The following NHS variants were observed in gnomAD, a reference collection of about 807,000 sequenced individuals.
NHS encodes the protein NHS actin remodeling regulator, also known as actin remodeling regulator NHS.
In NHS, 5 loss-of-function variants were observed where a neutral mutation model predicts 72.5. That is an observed-to-expected ratio of 0.07 (90% CI 0.04 to 0.14). The LOEUF (loss-of-function observed/expected upper bound fraction) is 0.14. Among genes scored for constraint, NHS ranks in the 10% least tolerant of loss-of-function variants. NHS has a pLI of 1.00. For missense variants in NHS, 1,072 were observed against 1,355.7 expected, an observed-to-expected ratio of 0.79 and a Z score of 3.29; for synonymous variants, 464 against 547.7, an observed-to-expected ratio of 0.85 and a Z score of 2.13.
At chrX:17,564,765 T>C (rs1299622205) in intron 1 of NHS, among the ~76,000 whole-genome samples, 1 of 111,731 alleles carries the variant, frequency 9.0e-6, no homozygotes, top group Non-Finnish European at 1.9e-5. Flanking sequence ...ACACACCAAC[T>C]TTAGGAGATA....
intron 1 of NHS, among the ~76,000 whole-genome samples, chrX:17,546,693 A>G (rs775354364): frequency 8.9e-6 from 1 of 112,783 alleles, no homozygotes; most frequent in Non-Finnish European, 1.9e-5. Flanking sequence ...TATGCACGTG[A>G]CATAAATGAA....
At chrX:17,507,962 ATATAC>A (rs1327528773) in intron 1 of NHS, among the ~76,000 whole-genome samples, 1 of 111,913 alleles carries the variant, frequency 8.9e-6, no homozygotes, top group African/African-American at 3.2e-5. Flanking sequence ...AGTGTTTTGC[ATATAC>A]TATCTCATTT....
intron 4 of NHS, among the ~76,000 whole-genome samples, chrX:17,720,403 T>A (rs2066398977): frequency 8.9e-6 from 1 of 112,312 alleles, no homozygotes; most frequent in Non-Finnish European, 1.9e-5. Flanking sequence ...AGAATATTAT[T>A]AAAGTCTTAC....
At chrX:17,499,067 C>T (rs1040858798) in intron 1 of NHS, among the ~76,000 whole-genome samples, 1 of 112,093 alleles carries the variant, frequency 8.9e-6, no homozygotes, top group Admixed American at 9.4e-5. Context: ...GGCAAGTCTT[C>T]ATAGCTACCT....
intron 3 of NHS, among the ~76,000 whole-genome samples, chrX:17,696,382 C>T (rs2066230294): frequency 8.9e-6 from 1 of 111,865 alleles, no homozygotes. Context: ...AACCCAGTTA[C>T]TGAAAGTCAT....
At chrX:17,454,782 A>G (rs906630677) in intron 1 of NHS, among the ~76,000 whole-genome samples, 2 of 112,196 alleles carry the variant, frequency 1.8e-5, no homozygotes, top group Admixed American at 1.9e-4. Flanking sequence ...ATCGTAAGGC[A>G]TCTACGGACT....
At chrX:17,403,023 A>G (rs2146853368) in intron 1 of NHS, among the ~76,000 whole-genome samples, 1 of 112,125 alleles carries the variant, frequency 8.9e-6, no homozygotes, top group Non-Finnish European at 1.9e-5. Context: ...TCAGGTGACC[A>G]TCCTCAATGG....
chrX:17,528,826 G>A (rs1489216793), intron 1 of NHS: 4 of 112,018 alleles, frequency 3.6e-5, no homozygotes, highest in Middle Eastern at 4.6e-3. Context: ...CTCTTGGAGT[G>A]TTCTAGGTCT....
At chrX:17,433,970 G>T (rs1241089634) in intron 1 of NHS, among the ~76,000 whole-genome samples, 1 of 111,875 alleles carries the variant, frequency 8.9e-6, no homozygotes, top group Non-Finnish European at 1.9e-5. Flanking sequence ...GGTGGAGAAG[G>T]GTGCTAGGCT....
intron 1 of NHS, among the ~76,000 whole-genome samples, chrX:17,657,652 C>G (rs1429815173): frequency 8.9e-6 from 1 of 112,683 alleles, no homozygotes; most frequent in Non-Finnish European, 1.9e-5. Context: ...TCATCCATTC[C>G]CGGGTGAGGC....
At chrX:17,380,801 T>G (rs926874727) in intron 1 of NHS, among the ~76,000 whole-genome samples, 1 of 111,551 alleles carries the variant, frequency 9.0e-6, no homozygotes, top group African/African-American at 3.3e-5. Context: ...TTGATGATCC[T>G]GGGGGAGAGA....
At chrX:17,516,556 AAC>A (rs1289837765) in intron 1 of NHS, among the ~76,000 whole-genome samples, 21 of 94,303 alleles carry the variant, frequency 2.2e-4, no homozygotes, top group Non-Finnish European at 3.5e-4. Flanking sequence ...TTTAACTTAC[AAC>A]ACACACACAC....
At chrX:17,668,302 A>G (rs1343590125) in intron 1 of NHS, among the ~76,000 whole-genome samples, 1 of 110,708 alleles carries the variant, frequency 9.0e-6, no homozygotes, top group Non-Finnish European at 1.9e-5. Flanking sequence ...AATAGAGTGA[A>G]ATTAAGAATA....
intron 1 of NHS, among the ~76,000 whole-genome samples, chrX:17,399,142 C>T (rs1285637461): frequency 9.1e-6 from 1 of 109,550 alleles, no homozygotes; most frequent in Non-Finnish European, 1.9e-5. Context: ...TGCTCTGTTG[C>T]CCAGGCCGGA....
intron 1 of NHS, among the ~76,000 whole-genome samples, chrX:17,449,913 T>A (rs1272281065): frequency 8.9e-6 from 1 of 112,274 alleles, no homozygotes; most frequent in Non-Finnish European, 1.9e-5. Context: ...ATTCTGGCTC[T>A]GCCTTTTAAA....
At chrX:17,383,362 C>T (rs996402800) in intron 1 of NHS, among the ~76,000 whole-genome samples, 53 of 111,646 alleles carry the variant, frequency 4.7e-4, no homozygotes, top group African/African-American at 1.1e-3. Context: ...ATTAGCCACA[C>T]GCCCAGCCCC....
At chrX:17,515,520 G>T (rs949003340) in intron 1 of NHS, among the ~76,000 whole-genome samples, 2 of 112,290 alleles carry the variant, frequency 1.8e-5, no homozygotes, top group African/African-American at 6.5e-5. Context: ...TAACTAGTGA[G>T]ATTTTACAAG....
At chrX:17,564,990 T>A (rs775940672) in intron 1 of NHS, among the ~76,000 whole-genome samples, 3 of 109,965 alleles carry the variant, frequency 2.7e-5, no homozygotes, top group Non-Finnish European at 5.7e-5. Flanking sequence ...TTTATTTTTT[T>A]TTTTTGCAGC....
At chrX:17,410,308 G>A (rs1250261778) in intron 1 of NHS, among the ~76,000 whole-genome samples, 1 of 110,866 alleles carries the variant, frequency 9.0e-6, no homozygotes, top group Non-Finnish European at 1.9e-5. Context: ...TCTGGAAAGG[G>A]GCTGGCTGAA....
Sources: allele counts gnomAD v4.1 joint callset (sites outside exome capture counted in the v4.1 genomes callset), GRCh38; gene constraint gnomAD v4.1.1; transcripts MANE v1.5; gene names NCBI Gene and HGNC (gene_info 2026-07-23, HGNC 2026-07-21).